PDE3B: variants seen among roughly 807,000 people sequenced by gnomAD.
The protein encoded by PDE3B is cGMP-inhibited 3',5'-cyclic phosphodiesterase 3B.
PDE3B carries 66 observed loss-of-function variants against 116.8 expected under a neutral mutation model. The ratio of observed to expected loss-of-function variants is 0.56; its 90% CI spans 0.46 to 0.69. The LOEUF is 0.69. PDE3B is among the 30% of genes least tolerant of loss of function. The probability of loss-of-function intolerance (pLI) is 0.00; values close to 1 mark genes in which losing one functional copy is unlikely to be tolerated. For synonymous variants in PDE3B, 595 were observed against 533.6 expected (o/e 1.12, Z -1.59); for missense variants, 1,384 against 1,368.1 (o/e 1.01, Z -0.18).
At chr11:14,676,288 C>T (rs1854529331) in intron 1 of PDE3B, among the ~76,000 whole-genome samples, 1 of 152,130 alleles carries the variant, frequency 6.6e-6, no homozygotes, top group Admixed American at 6.6e-5. Context: ...GTGCAAACAT[C>T]ACAGAGTACT....
chr11:14,754,060 G>A (rs969202022), intron 1 of PDE3B, among the ~76,000 whole-genome samples: 4 of 151,836 alleles, frequency 2.6e-5, no homozygotes, highest in African/African-American at 9.7e-5. Context: ...AAACAACTAA[G>A]ACTTTAGACA....
At chr11:14,846,604 G>T (rs1264263945) in intron 12 of PDE3B, among the ~76,000 whole-genome samples, 1 of 152,148 alleles carries the variant, frequency 6.6e-6, no homozygotes, top group African/African-American at 2.4e-5. Flanking sequence ...CATCTCATGT[G>T]CAGAGACACA....
chr11:14,765,322 A>G (rs185560656), intron 1 of PDE3B, among the ~76,000 whole-genome samples: 3 of 152,114 alleles, frequency 2.0e-5, no homozygotes, highest in Admixed American at 1.3e-4. Context: ...GAACAATGAA[A>G]TAAAGCCTCA....
chr11:14,743,181 G>T (rs1856816105), intron 1 of PDE3B, among the ~76,000 whole-genome samples: 1 of 152,050 alleles, frequency 6.6e-6, no homozygotes, highest in Non-Finnish European at 1.5e-5. Context: ...CCTTCCCCCA[G>T]GTGGTCCCAG....
intron 6 of PDE3B, 39 bp downstream of exon 6, chr11:14,818,432 G>A (rs1411400254): frequency 5.9e-6 from 8 of 1,360,856 alleles, no homozygotes; most frequent in Non-Finnish European, 7.3e-6. Context: ...GTTTCAAAAT[G>A]TTGATTACAG....
At chr11:14,709,242 G>GGTAAA in intron 1 of PDE3B, among the ~76,000 whole-genome samples, 1 of 152,214 alleles carries the variant, frequency 6.6e-6, no homozygotes, top group South Asian at 2.1e-4. Flanking sequence ...AAATTTAGTA[G>GGTAAA]TTACCCATGT....
intron 1 of PDE3B, among the ~76,000 whole-genome samples, chr11:14,706,121 C>G (rs1469484468): frequency 6.6e-6 from 1 of 151,538 alleles, no homozygotes; most frequent in Non-Finnish European, 1.5e-5. Flanking sequence ...CTTTCTCCCC[C>G]TCTCCTTCCC....
At chr11:14,843,795 G>T (rs1322111431) in intron 11 of PDE3B, 32 bp from the exon 12 acceptor site, 2 of 1,544,412 alleles carry the variant, frequency 1.3e-6, no homozygotes, top group Non-Finnish European at 1.8e-6. Context: ...ATGTGCTAAT[G>T]CTGGTTTATT....
Position 14,759,705 on chromosome 11 carries a change from C to T in PDE3B, c.979-12232C>T, listed in dbSNP as rs141876343. ...CTGGGACTACAGGTGTGTGCCACCA[C>T]GCCCAGCTAATTTTTGTATTTTTAG... On this transcript the variant is annotated intron_variant, in intron 1 of 15. Coordinates refer to ENST00000282096, the MANE Select transcript of PDE3B (RefSeq NM_000922.4). 5.7e-4 allele frequency among the ~76,000 whole-genome samples: 86 copies of T among 151,980 alleles called. 1 individual carries two copies. Among genetic ancestry groups the T allele is most frequent in the African/African-American group, 1.9e-3 (79 of 41,446 alleles).
At chr11:14,711,586 G>A (rs2133828697) in intron 1 of PDE3B, among the ~76,000 whole-genome samples, 1 of 152,166 alleles carries the variant, frequency 6.6e-6, no homozygotes, top group East Asian at 1.9e-4. Context: ...TCTGGTGCGG[G>A]AGGTGCCGGA....
chr11:14,874,726 T>C (rs1848174026), downstream of PDE3B, among the ~76,000 whole-genome samples: 1 of 152,224 alleles, frequency 6.6e-6, no homozygotes, highest in South Asian at 2.1e-4. Context: ...TTATTCTGTG[T>C]TCTACCATTT....
intron 1 of PDE3B, among the ~76,000 whole-genome samples, chr11:14,749,666 A>G (rs1482883629): frequency 6.6e-6 from 1 of 151,384 alleles, no homozygotes; most frequent in African/African-American, 2.4e-5. Context: ...ATATGTCACA[A>G]AGGCCTTCTC....
chr11:14,896,773 G>A, the PDE3B span, among the ~76,000 whole-genome samples: 17 of 152,140 alleles, frequency 1.1e-4, no homozygotes, highest in East Asian at 1.9e-4. Flanking sequence ...TTTAAAATTC[G>A]TGAATATCAC....
At chr11:14,668,434 C>T (rs564205053) in intron 1 of PDE3B, among the ~76,000 whole-genome samples, 1 of 152,140 alleles carries the variant, frequency 6.6e-6, no homozygotes, top group East Asian at 1.9e-4. Context: ...AAACCCTGGT[C>T]AACCCTTAAA....
the PDE3B span, among the ~76,000 whole-genome samples, chr11:14,898,154 C>T: frequency 2.6e-5 from 4 of 151,704 alleles, no homozygotes; most frequent in South Asian, 8.4e-4. Flanking sequence ...TTGTAGGCTC[C>T]AGCAGAAGAT....
chr11:14,717,648 G>A (rs890250244), intron 1 of PDE3B, among the ~76,000 whole-genome samples: 2 of 118,662 alleles, frequency 1.7e-5, no homozygotes, highest in African/African-American at 6.6e-5. Context: ...TTTCAACCCA[G>A]AATTTCATAT....
the PDE3B span, chr11:14,890,394 T>G: frequency 1.2e-6 from 1 of 854,418 alleles, no homozygotes; most frequent in African/African-American, 1.8e-5. Context: ...TCTGGGAGAA[T>G]TGCAGGTTGG....
intron 1 of PDE3B, among the ~76,000 whole-genome samples, chr11:14,655,064 T>C (rs563121861): frequency 6.6e-4 from 101 of 152,234 alleles, no homozygotes; most frequent in Non-Finnish European, 1.1e-3. Context: ...GCAAAAACTT[T>C]GTTAAAAGAA....
At chr11:14,667,508 A>T (rs1854206586) in intron 1 of PDE3B, among the ~76,000 whole-genome samples, 1 of 151,792 alleles carries the variant, frequency 6.6e-6, no homozygotes. Context: ...CTATGCAGCC[A>T]TAAAAAAGGA....
Sources: gnomAD v4.1 joint callset for allele counts (sites outside exome capture counted in the v4.1 genomes callset) on GRCh38, gnomAD v4.1.1 for gene constraint, MANE v1.5 for transcripts, NCBI Gene and HGNC (gene_info 2026-07-23, HGNC 2026-07-21) for gene names.